SLC29A1: variants seen among roughly 807,000 people sequenced by gnomAD.
SLC29A1 encodes equilibrative nucleoside transporter 1.
SLC29A1 carries 22 observed loss-of-function variants against 48.3 expected under a neutral mutation model. The ratio of observed to expected loss-of-function variants is 0.46; its 90% CI spans 0.33 to 0.65. The LOEUF (loss-of-function observed/expected upper bound fraction) is 0.65. Ranked by LOEUF, SLC29A1 falls within the 30% of genes least tolerant of loss-of-function variation. The pLI is 0.03. For missense variants in SLC29A1, 491 were observed against 575.3 expected (o/e 0.85, Z 1.50); for synonymous variants, 228 against 231.0 (o/e 0.99, Z 0.12).
rs1391293782 is a variant in SLC29A1 at position 44,224,896 on chromosome 6, T to G, written c.-52+1255T>G. Among the ~76,000 whole-genome samples the G allele has an allele frequency of 2.0e-5, 3 of 152,128 alleles. No homozygotes were observed. In the East Asian group the frequency reaches 5.8e-4, roughly 29 times the overall value. ...GCAGACAAAAGCAAAACACGAAGGCTGGCCAGCTGAATGTTAGGATATGGG... is the reference window on the plus strand; with the variant it reads ...GCAGACAAAAGCAAAACACGAAGGCGGGCCAGCTGAATGTTAGGATATGGG... On this transcript the variant is annotated intron_variant, in intron 1 of 12. Transcript: ENST00000371755.
intron 1 of SLC29A1, among the ~76,000 whole-genome samples, chr6:44,226,402 C>T (rs1777524845): frequency 6.6e-6 from 1 of 151,894 alleles, no homozygotes; most frequent in Non-Finnish European, 1.5e-5. Flanking sequence ...ATCCACCCCT[C>T]CAATCTTCTT....
intron 5 of SLC29A1, 146 bp downstream of exon 5, chr6:44,230,192 G>A: frequency 4.8e-6 from 7 of 1,468,280 alleles, no homozygotes; most frequent in Non-Finnish European, 6.6e-6. Context: ...AGAGGCCTGA[G>A]TGGGCCTGGA....
chr6:44,229,344 G>A lies in SLC29A1; in HGVS notation c.30-46G>A, dbSNP rs776215976. 1 of 1,445,734 alleles carries A rather than the reference G, an allele frequency of 6.9e-7. No individual in the cohort carries two copies. The highest frequency in any genetic ancestry group is 9.7e-7 in the Non-Finnish European group (1 of 1,026,174). The allele number at this position is 1,445,734 out of a possible 1,614,324, so 89.6% of individuals were successfully genotyped here. On this transcript the variant is annotated intron_variant, in intron 2 of 12. Coordinates refer to ENST00000371755, the MANE Select transcript of SLC29A1 (RefSeq NM_001372327.1). The surrounding 1 kb of genome is among the most constrained non-coding windows in gnomAD (Gnocchi z 5.1). ...TTTCCTGGGGCTCATTGTGGAGTGG[G>A]GCAGGATGGTGCGTCATTTGGCCCA... is the stretch of plus-strand genomic sequence containing the variant.
Position 44,229,576 on chromosome 6 carries a change from G to A in SLC29A1, c.112-13G>A. On this transcript the variant is annotated splice_polypyrimidine_tract_variant and intron_variant, in intron 3 of 12. Coordinates refer to ENST00000371755, the MANE Select transcript of SLC29A1 (RefSeq NM_001372327.1). This position sits in a 1 kb window ranked among gnomAD's most constrained non-coding sequence, Gnocchi z 5.1. Reference sequence around the variant, plus strand: ...GAAAGAGATTTCAACACTCCTCTCTGCAACCCCTGCAGTATTTCACAAACC... The same window carrying A: ...GAAAGAGATTTCAACACTCCTCTCTACAACCCCTGCAGTATTTCACAAACC... The A allele has an allele frequency of 6.2e-7, 1 of 1,613,776 alleles. No homozygotes were observed. The highest frequency in any genetic ancestry group is 8.5e-7 in the Non-Finnish European group (1 of 1,179,754).
Position 44,229,707 on chromosome 6 carries a change from G to C in SLC29A1, c.230G>C (p.Ser77Thr). 1.2e-6 allele frequency: 2 copies of C among 1,614,016 alleles called. No homozygotes were observed. Among genetic ancestry groups the C allele is most frequent in the Non-Finnish European group, 1.7e-6 (2 of 1,180,040 alleles). ...AAPLPERNSL[S>T]AIFNNVMTLC... ...CCCTTGCCTGAGCGGAACTCTCTCA[G>C]TGCCATCTTCAACAATGTCATGACC... The change falls in exon 4 of 13, where the codon AGT becomes ACT. Residue 77 changes from serine to threonine, a missense_variant. Coordinates refer to ENST00000371755, the MANE Select transcript of SLC29A1 (RefSeq NM_001372327.1). The surrounding 1 kb of genome is among the most constrained non-coding windows in gnomAD (Gnocchi z 5.1).
intron 2 of SLC29A1, among the ~76,000 whole-genome samples, chr6:44,227,900 G>T (rs772695736): frequency 3.0e-4 from 45 of 152,208 alleles, no homozygotes; most frequent in Non-Finnish European, 5.4e-4. Flanking sequence ...GAGATCCAAA[G>T]CTCCTTCAAA....
In SLC29A1 at chr6:44,223,776, A is replaced by AGTGCGGAGC. The variant is rs1224782129; in HGVS notation, c.-52+145_-52+153dup. On this transcript the variant is annotated intron_variant, in intron 1 of 12. Coordinates refer to ENST00000371755, the MANE Select transcript of SLC29A1 (RefSeq NM_001372327.1). This position sits in a 1 kb window ranked among gnomAD's most constrained non-coding sequence, Gnocchi z 5.0. The stretch of plus-strand genomic sequence containing the variant: ...GAGAAGGGACGCCGGGTGGGGCCCC[A>AGTGCGGAGC]GTGCGGAGCGTGCGGAGCCGCGCAG... 1.1e-5 allele frequency: 11 copies of AGTGCGGAGC among 1,032,980 alleles called. No individual in the cohort carries two copies. Among genetic ancestry groups the AGTGCGGAGC allele is most frequent in the Non-Finnish European group, 1.0e-5 (9 of 857,174 alleles). 64.0% of individuals were successfully genotyped at this position (1,032,980 alleles called of 1,614,324 possible). A position where few individuals can be genotyped will look rare whatever the true frequency, so the allele number is the denominator to read the frequency against.
At position 44,231,400 on chromosome 6, in the gene SLC29A1, T is replaced by G. The variant is rs1191307208; in HGVS notation, c.803T>G (p.Val268Gly). Residue 268 changes from valine (V) to glycine (G), a missense_variant, in exon 9 of 13, where the codon GTT (valine) becomes GGT (glycine). Transcript: ENST00000371755. ...AGAGCAGGCAAAGAGGAATCTGGAGTTTCAGTCTCCAACTCTCAGCCCACC... is the reference window on the plus strand; with the variant it reads ...AGAGCAGGCAAAGAGGAATCTGGAGGTTCAGTCTCCAACTCTCAGCCCACC... ...EPRAGKEESG[V>G]SVSNSQPTNE... 1.2e-6 allele frequency: 2 copies of G among 1,605,192 alleles called. No individual in the cohort carries two copies. Among genetic ancestry groups the G allele is most frequent in the Non-Finnish European group, 1.7e-6 (2 of 1,174,534 alleles).
upstream of SLC29A1, chr6:44,223,529 G>A: frequency 8.8e-7 from 1 of 1,140,138 alleles, no homozygotes; most frequent in Non-Finnish European, 1.1e-6. The surrounding 1 kb of genome is among the most constrained non-coding windows in gnomAD (Gnocchi z 5.0). Flanking sequence ...GTGGCAGTGG[G>A]CGCAGGGCGG....
At position 44,223,667 on chromosome 6, in the gene SLC29A1, G is replaced by T. The variant is rs988312065; in HGVS notation, c.-52+26G>T. On this transcript the variant is annotated intron_variant, in intron 1 of 12. Transcript: ENST00000371755. This position sits in a 1 kb window ranked among gnomAD's most constrained non-coding sequence, Gnocchi z 5.0. ...GTGCTGCCCGGGGCCGGGGACTGGG[G>T]ACTGGGGACTGCCGGGGCGGAAGAC... 3.1e-5 allele frequency: 37 copies of T among 1,177,336 alleles called. No individual in the cohort carries two copies. The African/African-American group carries it at 4.3e-4, about 14-fold the overall frequency. 72.9% of individuals were successfully genotyped at this position (1,177,336 alleles called of 1,614,324 possible).
upstream of SLC29A1, among the ~76,000 whole-genome samples, chr6:44,222,110 G>C (rs1776499203): frequency 6.6e-6 from 1 of 152,176 alleles, no homozygotes; most frequent in Non-Finnish European, 1.5e-5. Flanking sequence ...GCTAGGAGAG[G>C]AAGAGAGAGA....
chr6:44,219,812 G>A (rs1776113401), upstream of SLC29A1: 1 of 1,169,382 alleles, frequency 8.6e-7, no homozygotes, highest in Non-Finnish European at 1.1e-6. Context: ...GGGGCCTGGC[G>A]GGGCGGGGTG....
intron 7 of SLC29A1, 55 bp downstream of exon 7, chr6:44,230,720 C>T (rs1008626621): frequency 2.6e-6 from 4 of 1,548,874 alleles, no homozygotes; most frequent in Non-Finnish European, 3.6e-6. Context: ...GGTTCCAGAC[C>T]ACGGGTGTTC....
In SLC29A1 at chr6:44,223,628, T is replaced by C. The variant is rs1482011122; in HGVS notation, c.-65T>C. ...CGCGCGGATCTCAGCGCGGGAGCAG[T>C]GCTTCTGCGGCAGGTGCTGCCCGGG... On this transcript the variant is annotated 5_prime_UTR_variant, in exon 1 of 13. Transcript: ENST00000371755. The surrounding 1 kb of genome is among the most constrained non-coding windows in gnomAD (Gnocchi z 5.0). 8.3e-7 allele frequency: 1 copy of C among 1,210,138 alleles called. No individual in the cohort carries two copies. The highest frequency in any genetic ancestry group is 1.1e-6 in the Non-Finnish European group (1 of 949,298). The allele number at this position is 1,210,138 out of a possible 1,614,324, so 75.0% of individuals were successfully genotyped here. A position where few individuals can be genotyped will look rare whatever the true frequency, so the allele number is the denominator to read the frequency against.
At chr6:44,233,248 G>A (rs534629161) in intron 12 of SLC29A1, among the ~76,000 whole-genome samples, 169 bp from the exon 13 acceptor site, 6 of 152,128 alleles carry the variant, frequency 3.9e-5, no homozygotes, top group Admixed American at 6.5e-5. Context: ...CACCATACAC[G>A]TTCCCTCAAG....
Position 44,232,098 on chromosome 6 carries a change from G to A in SLC29A1, c.965G>A (p.Ser322Asn), listed in dbSNP as rs1231948961. 1.9e-6 allele frequency: 3 copies of A among 1,611,620 alleles called. No individual in the cohort carries two copies. The highest frequency in any genetic ancestry group is 1.3e-5 in the African/African-American group (1 of 74,990). ...GTCAAGTCCAGCATCGCAGGCAGCA[G>A]CACCTGGGGTGAGGATGCCACAGGT... is the stretch of plus-strand genomic sequence containing the variant. ...VEVKSSIAGS[S>N]TWERYFIPVS... Residue 322 changes from serine to asparagine, a missense_variant, in exon 10 of 13, where the codon AGC (serine) becomes AAC (asparagine). Coordinates refer to ENST00000371755, the MANE Select transcript of SLC29A1 (RefSeq NM_001372327.1). The surrounding 1 kb of genome is among the most constrained non-coding windows in gnomAD (Gnocchi z 4.7).
chr6:44,231,874 T>A, intron 9 of SLC29A1, 124 bp from the exon 10 acceptor site: 1 of 667,762 alleles, frequency 1.5e-6, no homozygotes, highest in South Asian at 1.6e-5. Flanking sequence ...TCCACCCACC[T>A]CGGCCTCCCA....
chr6:44,227,110 G>T, intron 1 of SLC29A1, 153 bp from the exon 2 acceptor site: 1 of 1,411,618 alleles, frequency 7.1e-7, no homozygotes, highest in Non-Finnish European at 9.3e-7. Context: ...TGGGGGTCAA[G>T]TTGAGTCGTC....
chr6:44,233,318 G>C (rs915541777), intron 12 of SLC29A1, 99 bp from the exon 13 acceptor site: 1 of 1,013,078 alleles, frequency 9.9e-7, no homozygotes, highest in African/African-American at 1.6e-5. Flanking sequence ...AATGAGGTTC[G>C]ACAGTCAAGT....
Sources: gnomAD v4.1 joint callset for allele counts (sites outside exome capture counted in the v4.1 genomes callset) on GRCh38, gnomAD v4.1.1 for gene constraint, Gnocchi (gnomAD v3.1) non-coding constraint, MANE v1.5 for transcripts, NCBI Gene and HGNC (gene_info 2026-07-23, HGNC 2026-07-21) for gene names.